The following SMG1 variants were observed in gnomAD, a reference collection of about 807,000 sequenced individuals.
SMG1 encodes the protein serine/threonine-protein kinase SMG1.
SMG1 carries 22 observed loss-of-function variants against 419.9 expected under a neutral mutation model. That is an observed-to-expected ratio of 0.05 (90% CI 0.04 to 0.07). The LOEUF (loss-of-function observed/expected upper bound fraction) is 0.07, where lower values mean the gene tolerates loss of function less well. Among genes scored for constraint, SMG1 ranks in the 10% least tolerant of loss-of-function variants. The pLI is 1.00. For missense variants in SMG1, 3,185 were observed against 4,342.0 expected (o/e 0.73, Z 7.49); for synonymous variants, 1,538 against 1,553.5 (o/e 0.99, Z 0.23).
intron 38 of SMG1, 110 bp downstream of exon 38, chr16:18,847,338 TATTTA>T: frequency 9.4e-7 from 1 of 1,062,368 alleles, no homozygotes; most frequent in Non-Finnish European, 1.4e-6. Context: ...ATGGTGAATG[TATTTA>T]ATGCCACTGA....
chr16:18,812,661 C>CACAT (rs150113448), intron 60 of SMG1, among the ~76,000 whole-genome samples: 6 of 150,784 alleles, frequency 4.0e-5, no homozygotes, highest in Admixed American at 1.3e-4. Flanking sequence ...CACACACACA[C>CACAT]ATATATATAT....
chr16:18,826,774 T>C (rs1196499397), intron 55 of SMG1, among the ~76,000 whole-genome samples: 9 of 24,986 alleles, frequency 3.6e-4, no homozygotes. Flanking sequence ...CCTTGAGCTG[T>C]GGTGGGCTCC....
intron 1 of SMG1, among the ~76,000 whole-genome samples, chr16:18,898,334 T>A (rs1029555858): frequency 6.6e-6 from 1 of 152,168 alleles, no homozygotes; most frequent in Non-Finnish European, 1.5e-5. Context: ...ATAAGGAGTA[T>A]CTTCTAATAT....
intron 26 of SMG1, among the ~76,000 whole-genome samples, chr16:18,860,174 C>CG (rs2035140684): frequency 6.6e-6 from 1 of 152,152 alleles, no homozygotes; most frequent in Non-Finnish European, 1.5e-5. Context: ...GCCGAGATTG[C>CG]GCCACTGCAC....
intron 51 of SMG1, among the ~76,000 whole-genome samples, chr16:18,832,581 T>TAC (rs2033266340): frequency 1.2e-5 from 1 of 81,534 alleles, no homozygotes. Context: ...ACTATACACT[T>TAC]GCACACACAC....
chr16:18,851,771 G>A (rs545680616), intron 33 of SMG1, among the ~76,000 whole-genome samples: 16 of 152,182 alleles, frequency 1.1e-4, no homozygotes, highest in Admixed American at 1.0e-3. Flanking sequence ...TCGAACTCCT[G>A]ACCTCAAGCG....
In SMG1 at chr16:18,896,010, T is replaced by C. The variant is rs370135834; in HGVS notation, c.412+42A>G. ...CCAGAATAAGAGGAGATACAAGTCT[T>C]TGGAAGGTGTATGTGATTGGTCCCC... On this transcript the variant is annotated intron_variant, in intron 3 of 62. Coordinates refer to ENST00000446231, the MANE Select transcript of SMG1 (RefSeq NM_015092.5). The C allele has an allele frequency of 1.6e-4, 245 of 1,577,718 alleles. No individual in the cohort carries two copies. In the African/African-American group the frequency reaches 3.1e-3, roughly 20 times the overall value.
In SMG1 at chr16:18,926,358, G is replaced by A. The variant is rs979279444; in HGVS notation, c.-317C>T. 3.9e-5 allele frequency: 13 copies of A among 332,756 alleles called. No individual in the cohort carries two copies. In the South Asian group the frequency reaches 7.7e-4, roughly 20 times the overall value. The allele number at this position is 332,756 out of a possible 1,614,324, so 20.6% of individuals were successfully genotyped here. A position where few individuals can be genotyped will look rare whatever the true frequency, so the allele number is the denominator to read the frequency against. On this transcript the variant is annotated 5_prime_UTR_variant, in exon 1 of 63. Coordinates refer to ENST00000446231, the MANE Select transcript of SMG1 (RefSeq NM_015092.5). ...CGTCGCCGGGGCCCCGGAGGACGAG[G>A]ACGACGAGGAGCAGGCGGTGGCGGC...
intron 13 of SMG1, chr16:18,875,720 T>C (rs937375008): frequency 1.1e-4 from 24 of 228,572 alleles, no homozygotes; most frequent in African/African-American, 5.3e-4. Flanking sequence ...TATAAGACCA[T>C]GTATAAGAAC....
intron 52 of SMG1, 43 bp downstream of exon 52, chr16:18,830,175 CT>C: frequency 6.2e-7 from 1 of 1,610,524 alleles, no homozygotes; most frequent in Non-Finnish European, 8.5e-7. Flanking sequence ...TGAACAACTA[CT>C]TTATGGCACT....
chr16:18,915,994 G>T (rs867722945), intron 1 of SMG1, among the ~76,000 whole-genome samples: 20 of 149,170 alleles, frequency 1.3e-4, no homozygotes, highest in Admixed American at 1.2e-3. Flanking sequence ...ACTTGAACCC[G>T]GGAGGCAGAG....
intron 35 of SMG1, 132 bp downstream of exon 35, chr16:18,849,817 G>C (rs1467665830): frequency 1.2e-6 from 1 of 823,430 alleles, no homozygotes; most frequent in Non-Finnish European, 1.9e-6. Flanking sequence ...AAGCAGTGCA[G>C]GGTGTCCTAG....
chr16:18,899,973 T>C, intron 1 of SMG1: 1 of 1,485,940 alleles, frequency 6.7e-7, no homozygotes, highest in Non-Finnish European at 9.1e-7. Context: ...GAGGTAAGTT[T>C]CTAAAGCTCA....
intron 9 of SMG1, among the ~76,000 whole-genome samples, chr16:18,883,192 G>A (rs1043507968): frequency 3.9e-5 from 6 of 152,144 alleles, no homozygotes; most frequent in African/African-American, 1.4e-4. Context: ...GATCTGAATA[G>A]GGGAGAAACA....
At chr16:18,812,607 TATAC>T (rs1567308269) in intron 60 of SMG1, among the ~76,000 whole-genome samples, 6 of 139,920 alleles carry the variant, frequency 4.3e-5, no homozygotes, top group East Asian at 2.0e-4. Flanking sequence ...TACACATATA[TATAC>T]ATACACACAT....
chr16:18,886,435 A>G (rs2036615338), intron 6 of SMG1, among the ~76,000 whole-genome samples: 1 of 152,228 alleles, frequency 6.6e-6, no homozygotes, highest in Admixed American at 6.5e-5. Flanking sequence ...AGCTGTTAGA[A>G]AACATTTTTC....
intron 1 of SMG1, among the ~76,000 whole-genome samples, chr16:18,906,605 C>T (rs1408257208): frequency 1.3e-5 from 2 of 152,068 alleles, no homozygotes; most frequent in Admixed American, 1.3e-4. Flanking sequence ...TGAACTAAAT[C>T]CCCCCCATAA....
chr16:18,815,757 G>A (rs1034477295), intron 58 of SMG1, 106 bp from the exon 59 acceptor site: 58 of 889,946 alleles, frequency 6.5e-5, no homozygotes, highest in Middle Eastern at 3.3e-4. Context: ...ATATGAGTGT[G>A]TTTAAACTGC....
chr16:18,866,149 G>C (rs1294585031), intron 23 of SMG1: 1 of 178,008 alleles, frequency 5.6e-6, no homozygotes, highest in Admixed American at 5.4e-5. Flanking sequence ...ACAAAGATAT[G>C]GAAGTATGAG....
Sources: gnomAD v4.1 joint callset for allele counts (sites outside exome capture counted in the v4.1 genomes callset) on GRCh38, gnomAD v4.1.1 for gene constraint, MANE v1.5 for transcripts, NCBI Gene and HGNC (gene_info 2026-07-23, HGNC 2026-07-21) for gene names.